ROBO1: variants seen among roughly 807,000 people sequenced by gnomAD.
The protein encoded by ROBO1 is roundabout homolog 1.
ROBO1 carries 149 observed loss-of-function variants against 195.9 expected under a neutral mutation model. That is an observed-to-expected ratio of 0.76 (90% confidence interval 0.67 to 0.87). The LOEUF (loss-of-function observed/expected upper bound fraction) is 0.87, where lower values mean the gene tolerates loss of function less well. ROBO1 is among the 40% of genes least tolerant of loss of function. The pLI is 0.00. For synonymous variants in ROBO1, 816 were observed against 733.2 expected (o/e 1.11, Z -1.82); for missense variants, 1,933 against 2,068.3 (o/e 0.93, Z 1.27).
At chr3:79,285,991 G>A (rs2031862781) in intron 2 of ROBO1, among the ~76,000 whole-genome samples, 1 of 152,138 alleles carries the variant, frequency 6.6e-6, no homozygotes, top group Non-Finnish European at 1.5e-5. Flanking sequence ...TGCATTATTT[G>A]AAGTCTATTC....
At chr3:79,145,103 G>T (rs182466554) in intron 2 of ROBO1, among the ~76,000 whole-genome samples, 10 of 151,764 alleles carry the variant, frequency 6.6e-5, no homozygotes, top group Admixed American at 5.3e-4. Flanking sequence ...AAGTTGGTTT[G>T]GTTTGTCATC....
At chr3:79,476,554 T>C (rs1938555524) in intron 2 of ROBO1, among the ~76,000 whole-genome samples, 2 of 152,030 alleles carry the variant, frequency 1.3e-5, no homozygotes, top group South Asian at 2.1e-4. Flanking sequence ...GTGGTGTATA[T>C]ATATATACCA....
In ROBO1 at chr3:78,651,112, C is replaced by T. The variant is rs114343062; in HGVS notation, c.2812+620G>A. ...TAAATAATAATAGTGGCCATGTAAGCTGTCTTTTTTAAAACTGTAAACACA... is the reference window on the plus strand; with the variant it reads ...TAAATAATAATAGTGGCCATGTAAGTTGTCTTTTTTAAAACTGTAAACACA... On this transcript the variant is annotated intron_variant, in intron 19 of 30. Coordinates refer to ENST00000464233, the MANE Select transcript of ROBO1 (RefSeq NM_002941.4). Among the ~76,000 whole-genome samples, 918 of 152,224 alleles carry T rather than the reference C, an allele frequency of 6.0e-3. 10 individuals are homozygous for T. Among genetic ancestry groups the T allele is most frequent in the African/African-American group, 0.019 (806 of 41,556 alleles).
At chr3:78,998,397 C>T (rs1253670843) in intron 3 of ROBO1, among the ~76,000 whole-genome samples, 2 of 152,120 alleles carry the variant, frequency 1.3e-5, no homozygotes, top group Non-Finnish European at 2.9e-5. Flanking sequence ...TATAGAGAAA[C>T]TTGCCCTACA....
intron 1 of ROBO1, among the ~76,000 whole-genome samples, chr3:79,716,890 A>G (rs1322489075): frequency 2.6e-5 from 4 of 152,046 alleles, no homozygotes; most frequent in Non-Finnish European, 5.9e-5. Context: ...TGTAAGGCAA[A>G]CACTTTAATT....
intron 4 of ROBO1, among the ~76,000 whole-genome samples, chr3:78,781,028 C>G (rs970192475): frequency 1.3e-5 from 2 of 152,172 alleles, no homozygotes; most frequent in African/African-American, 4.8e-5. Context: ...ATAGTTCTCA[C>G]TTCCTTGGTA....
intron 3 of ROBO1, among the ~76,000 whole-genome samples, chr3:78,974,384 T>C (rs1351947974): frequency 1.3e-5 from 2 of 152,144 alleles, no homozygotes; most frequent in African/African-American, 2.4e-5. Context: ...TGTGTTTCAA[T>C]TGAAAACCGA....
At chr3:78,701,860 G>C (rs1023844273) in intron 8 of ROBO1, among the ~76,000 whole-genome samples, 1 of 152,002 alleles carries the variant, frequency 6.6e-6, no homozygotes, top group Non-Finnish European at 1.5e-5. Flanking sequence ...CTGTTATAAA[G>C]CAATTACTCA....
At chr3:79,300,599 G>T (rs963395926) in intron 2 of ROBO1, among the ~76,000 whole-genome samples, 1 of 152,206 alleles carries the variant, frequency 6.6e-6, no homozygotes, top group Non-Finnish European at 1.5e-5. Context: ...GGGCTGGGGC[G>T]TGCAGGCGCA....
At chr3:78,807,326 C>T (rs1228033268) in intron 4 of ROBO1, among the ~76,000 whole-genome samples, 1 of 151,922 alleles carries the variant, frequency 6.6e-6, no homozygotes, top group African/African-American at 2.4e-5. Flanking sequence ...AACATTTTCC[C>T]TATCTTTGGA....
intron 2 of ROBO1, among the ~76,000 whole-genome samples, chr3:79,536,954 A>C (rs1013700840): frequency 2.0e-5 from 3 of 152,152 alleles, no homozygotes; most frequent in African/African-American, 7.2e-5. Flanking sequence ...AATCTATTTA[A>C]GCATTTTGGC....
At chr3:79,135,916 G>A (rs2080400066) in intron 2 of ROBO1, among the ~76,000 whole-genome samples, 1 of 152,144 alleles carries the variant, frequency 6.6e-6, no homozygotes, top group African/African-American at 2.4e-5. Flanking sequence ...GGATTTACAG[G>A]CGTGAGCCAC....
Position 78,635,999 on chromosome 3 carries a change from C to T in ROBO1, c.3147G>A (p.Glu1049=). 1.9e-6 allele frequency: 3 copies of T among 1,613,880 alleles called. No homozygotes were observed. Among genetic ancestry groups the T allele is most frequent in the South Asian group, 2.2e-5 (2 of 91,084 alleles). The change falls in exon 23 of 31, where the codon GAG becomes GAA. Residue 1049 remains glutamate (E), a synonymous_variant. Coordinates refer to ENST00000464233, the MANE Select transcript of ROBO1 (RefSeq NM_002941.4). ...GATTTGGGCTATTGAAGGTTTTCAT[C>T]TCATTGATTTTGTTACTAAGGTCCA... ...GDVDLSNKIN[E]MKTFNSPNLK...
chr3:79,370,614 AAC>A (rs2036156787), intron 2 of ROBO1, among the ~76,000 whole-genome samples: 1 of 151,564 alleles, frequency 6.6e-6, no homozygotes, highest in South Asian at 2.1e-4. Flanking sequence ...TTACTTCTTC[AAC>A]AGGGTGTTAT....
intron 10 of ROBO1, among the ~76,000 whole-genome samples, chr3:78,679,301 A>G (rs2080827642): frequency 6.6e-6 from 1 of 152,140 alleles, no homozygotes; most frequent in African/African-American, 2.4e-5. Flanking sequence ...CTCCTATTCA[A>G]CCTAGTGTTG....
At chr3:79,395,997 T>C (rs1161823939) in intron 2 of ROBO1, among the ~76,000 whole-genome samples, 1 of 152,138 alleles carries the variant, frequency 6.6e-6, no homozygotes, top group Non-Finnish European at 1.5e-5. Context: ...CTGAGTGAAC[T>C]ATAAGAATTT....
intron 1 of ROBO1, among the ~76,000 whole-genome samples, chr3:79,764,273 A>G (rs984959912): frequency 6.6e-6 from 1 of 152,236 alleles, no homozygotes; most frequent in African/African-American, 2.4e-5. Context: ...ATTGGCACTA[A>G]TATATTTTAG....
intron 2 of ROBO1, among the ~76,000 whole-genome samples, chr3:79,317,718 A>T (rs1343025429): frequency 6.6e-6 from 1 of 152,034 alleles, no homozygotes; most frequent in Non-Finnish European, 1.5e-5. Context: ...GTCTTTGCTC[A>T]CATGTCCTCA....
chr3:78,879,041 G>C (rs2036021973), intron 4 of ROBO1, among the ~76,000 whole-genome samples: 1 of 152,116 alleles, frequency 6.6e-6, no homozygotes, highest in Admixed American at 6.6e-5. Flanking sequence ...TCACTGTCTT[G>C]CTCCTGCAGT....
Sources: allele counts gnomAD v4.1 joint callset (sites outside exome capture counted in the v4.1 genomes callset), GRCh38; gene constraint gnomAD v4.1.1; transcripts MANE v1.5; gene names NCBI Gene and HGNC (gene_info 2026-07-23, HGNC 2026-07-21).